The following P3H2 variants were observed in gnomAD, a reference collection of about 807,000 sequenced individuals.
P3H2 encodes the protein prolyl 3-hydroxylase 2, also known as leprecan-like 1.
P3H2 carries 80 observed loss-of-function variants against 87.0 expected under a neutral mutation model. The ratio of observed to expected loss-of-function variants is 0.92; its 90% CI spans 0.77 to 1.11. The LOEUF is 1.11. P3H2 is among the 50% of genes least tolerant of loss of function. The pLI is 0.00. For synonymous variants in P3H2, 367 were observed against 359.3 expected, an observed-to-expected ratio of 1.02 and a Z score of -0.24; for missense variants, 1,001 against 923.9, an observed-to-expected ratio of 1.08 and a Z score of -1.08.
intron 1 of P3H2, among the ~76,000 whole-genome samples, chr3:190,017,535 C>T (rs1037599512): frequency 2.6e-5 from 4 of 152,168 alleles, no homozygotes; most frequent in African/African-American, 4.8e-5. Context: ...AGACAGCTTG[C>T]ATAATGGGAA....
chr3:190,068,402 C>T (rs540827500), intron 1 of P3H2, among the ~76,000 whole-genome samples: 98 of 152,258 alleles, frequency 6.4e-4, no homozygotes, highest in Middle Eastern at 3.4e-3. Flanking sequence ...AGTGGCCAAG[C>T]GGTCTGGTCA....
chr3:189,959,190 C>G (rs1446654801), intron 14 of P3H2, among the ~76,000 whole-genome samples: 1 of 150,490 alleles, frequency 6.6e-6, no homozygotes, highest in Non-Finnish European at 1.5e-5. Flanking sequence ...GTCTACTTTT[C>G]TTGGTGTGCT....
At chr3:190,018,515 T>C (rs1233109038) in intron 1 of P3H2, among the ~76,000 whole-genome samples, 1 of 152,014 alleles carries the variant, frequency 6.6e-6, no homozygotes, top group Non-Finnish European at 1.5e-5. Context: ...TGAGACCAGC[T>C]TGGGCAACAT....
chr3:189,999,444 A>T (rs1724144781), intron 1 of P3H2, among the ~76,000 whole-genome samples: 1 of 152,242 alleles, frequency 6.6e-6, no homozygotes. Flanking sequence ...TCTGTCTTCC[A>T]TTGTATAAAT....
At chr3:189,996,642 T>C (rs1165350177) in intron 1 of P3H2, among the ~76,000 whole-genome samples, 1 of 152,188 alleles carries the variant, frequency 6.6e-6, no homozygotes, top group Non-Finnish European at 1.5e-5. Flanking sequence ...ATGATAAGTG[T>C]TTTAGGCAAC....
At chr3:190,031,896 T>C (rs560069338) in intron 1 of P3H2, among the ~76,000 whole-genome samples, 3 of 152,318 alleles carry the variant, frequency 2.0e-5, no homozygotes, top group East Asian at 3.9e-4. Context: ...TGGCACAGTG[T>C]AGAGGAGACT....
At chr3:190,050,029 A>C (rs1261010452) in intron 1 of P3H2, among the ~76,000 whole-genome samples, 1 of 152,218 alleles carries the variant, frequency 6.6e-6, no homozygotes, top group Non-Finnish European at 1.5e-5. Context: ...AAACTTGCAA[A>C]ATATCTTACA....
At chr3:190,078,823 G>A (rs1726952316) in intron 1 of P3H2, among the ~76,000 whole-genome samples, 1 of 152,078 alleles carries the variant, frequency 6.6e-6, no homozygotes, top group African/African-American at 2.4e-5. Flanking sequence ...TGTTCTTCCA[G>A]GGAAGTAGCA....
At chr3:190,008,477 A>C (rs1257010665) in intron 1 of P3H2, among the ~76,000 whole-genome samples, 1 of 152,218 alleles carries the variant, frequency 6.6e-6, no homozygotes, top group African/African-American at 2.4e-5. Flanking sequence ...ATTGAACCAC[A>C]GCCTAGAAAA....
At chr3:190,095,892 G>A (rs955585199) in intron 1 of P3H2, among the ~76,000 whole-genome samples, 7 of 151,992 alleles carry the variant, frequency 4.6e-5, no homozygotes, top group Non-Finnish European at 1.0e-4. Flanking sequence ...TTGAGCCACC[G>A]CGCCCGGCCA....
intron 1 of P3H2, among the ~76,000 whole-genome samples, chr3:190,109,430 C>G (rs190664854): frequency 6.6e-6 from 1 of 152,206 alleles, no homozygotes; most frequent in African/African-American, 2.4e-5. Flanking sequence ...AGAGCTAACC[C>G]AAAGAAAACG....
rs56026146 is a variant in P3H2, at chr3:189,989,009, G to A, written c.853C>T (p.His285Tyr). The A allele has an allele frequency of 1.1e-3, 1,770 of 1,614,102 alleles. 1 individual carries two copies. Among genetic ancestry groups the A allele is most frequent in the Non-Finnish European group, 1.4e-3 (1,691 of 1,180,028 alleles). ...DHYMQVLVCQ[H>Y]ECVRELATRP... The stretch of plus-strand genomic sequence containing the variant: ...GTGGCAAGTTCCCTCACACATTCAT[G>A]CTGACAAACAAGCACCTGCATGTAG... The change falls in exon 4 of 15, where the codon CAT becomes TAT. Residue 285 changes from histidine to tyrosine, a missense_variant. Transcript: ENST00000319332.
At chr3:190,027,519 T>C (rs928949187) in intron 1 of P3H2, among the ~76,000 whole-genome samples, 1 of 152,044 alleles carries the variant, frequency 6.6e-6, no homozygotes, top group African/African-American at 2.4e-5. Flanking sequence ...GAGAAAGAGG[T>C]CATTAATTAA....
intron 14 of P3H2, among the ~76,000 whole-genome samples, chr3:189,960,062 C>G (rs1297819069): frequency 2.7e-4 from 41 of 152,186 alleles, no homozygotes; most frequent in Admixed American, 2.7e-3. Flanking sequence ...CTCTGGCTTT[C>G]TTTGTTTCTT....
intron 1 of P3H2, among the ~76,000 whole-genome samples, chr3:190,072,454 C>T (rs1458347014): frequency 6.6e-6 from 1 of 152,056 alleles, no homozygotes; most frequent in Non-Finnish European, 1.5e-5. Flanking sequence ...TAAGTGGTAC[C>T]AACTTTCTAA....
intron 1 of P3H2, among the ~76,000 whole-genome samples, chr3:190,088,016 T>C (rs187078358): frequency 2.6e-5 from 4 of 152,326 alleles, no homozygotes; most frequent in Admixed American, 2.6e-4. Context: ...AGTTTTCTTA[T>C]CAAAACTTAA....
At chr3:189,991,311 C>T (rs1401739044) in intron 3 of P3H2, among the ~76,000 whole-genome samples, 6 of 152,110 alleles carry the variant, frequency 3.9e-5, no homozygotes, top group South Asian at 2.1e-4. Context: ...ATTGGTCATT[C>T]GTCACATTAA....
intron 1 of P3H2, among the ~76,000 whole-genome samples, chr3:190,070,567 G>A (rs917598549): frequency 3.3e-5 from 5 of 152,106 alleles, no homozygotes; most frequent in African/African-American, 9.7e-5. Flanking sequence ...AAGAGCACAC[G>A]GTCCAAGGAG....
At chr3:189,995,490 C>G (rs753594551) in intron 1 of P3H2, 48 bp from the exon 2 acceptor site, 6 of 1,581,692 alleles carry the variant, frequency 3.8e-6, no homozygotes, top group African/African-American at 2.7e-5. Context: ...ATTTCCAAAT[C>G]ACACTCAGAG....
Sources: allele counts gnomAD v4.1 joint callset (sites outside exome capture counted in the v4.1 genomes callset), GRCh38; gene constraint gnomAD v4.1.1; transcripts MANE v1.5; gene names NCBI Gene and HGNC (gene_info 2026-07-23, HGNC 2026-07-21).